The following TNR variants were observed in gnomAD, a reference collection of about 807,000 sequenced individuals.
TNR encodes tenascin-R.
In TNR, 45 loss-of-function variants were observed where a neutral mutation model predicts 150.4. That is an observed-to-expected ratio of 0.30 (90% CI 0.24 to 0.38). TNR has a LOEUF of 0.38. Ranked by LOEUF, TNR falls within the 10% of genes least tolerant of loss-of-function variation. The pLI is 1.00. For synonymous variants in TNR, 687 were observed against 678.4 expected (o/e 1.01, Z -0.20); for missense variants, 1,544 against 1,759.1 (o/e 0.88, Z 2.19).
intron 1 of TNR, among the ~76,000 whole-genome samples, chr1:175,649,580 C>T (rs752395057): frequency 3.8e-4 from 58 of 152,070 alleles, no homozygotes; most frequent in Non-Finnish European, 7.6e-4. Context: ...AGAATGGGCC[C>T]AATACAAGAG....
chr1:175,374,485 C>A (rs891332459), intron 9 of TNR, among the ~76,000 whole-genome samples: 10 of 152,000 alleles, frequency 6.6e-5, no homozygotes, highest in Non-Finnish European at 1.5e-4. Flanking sequence ...TGTGTATGTG[C>A]ATGTGAGTGT....
chr1:175,682,259 T>C (rs1054129751), intron 1 of TNR, among the ~76,000 whole-genome samples: 6 of 151,394 alleles, frequency 4.0e-5, no homozygotes, highest in African/African-American at 1.5e-4. Flanking sequence ...ATTATAATCA[T>C]AGCTATCACT....
intron 2 of TNR, among the ~76,000 whole-genome samples, chr1:175,471,595 A>G (rs918785887): frequency 1.3e-5 from 2 of 152,206 alleles, no homozygotes; most frequent in Non-Finnish European, 2.9e-5. Flanking sequence ...AAAATGGTAC[A>G]TCTATACAGG....
chr1:175,349,111 T>C (rs950644051), intron 18 of TNR, among the ~76,000 whole-genome samples: 2 of 152,204 alleles, frequency 1.3e-5, no homozygotes, highest in Non-Finnish European at 2.9e-5. Flanking sequence ...ATGATGCATG[T>C]CGTTAGGAAA....
intron 2 of TNR, among the ~76,000 whole-genome samples, chr1:175,495,268 G>A (rs1477404204): frequency 6.6e-6 from 1 of 152,202 alleles, no homozygotes; most frequent in Non-Finnish European, 1.5e-5. Flanking sequence ...AGATGAGGGA[G>A]TGACAACACC....
At chr1:175,380,331 C>A (rs1428387659) in intron 8 of TNR, among the ~76,000 whole-genome samples, 1 of 72,404 alleles carries the variant, frequency 1.4e-5, no homozygotes, top group East Asian at 4.2e-4. Context: ...AGTCTTTTAA[C>A]CCTGCTTGGC....
At chr1:175,434,317 C>G (rs1395454485) in intron 2 of TNR, among the ~76,000 whole-genome samples, 1 of 152,112 alleles carries the variant, frequency 6.6e-6, no homozygotes, top group African/African-American at 2.4e-5. Context: ...TTCCCTGGGC[C>G]TGATAATGGA....
At chr1:175,692,644 G>A (rs1301306085) in intron 1 of TNR, among the ~76,000 whole-genome samples, 1 of 152,174 alleles carries the variant, frequency 6.6e-6, no homozygotes, top group Non-Finnish European at 1.5e-5. Flanking sequence ...CAGTGGAGAG[G>A]TGGCCAGAGG....
intron 1 of TNR, among the ~76,000 whole-genome samples, chr1:175,584,411 G>A (rs1662484833): frequency 6.6e-6 from 1 of 152,194 alleles, no homozygotes; most frequent in Non-Finnish European, 1.5e-5. Context: ...ATCAGAAAGA[G>A]CATGGGCCTG....
At chr1:175,610,601 A>G (rs1174499138) in intron 1 of TNR, among the ~76,000 whole-genome samples, 2 of 152,032 alleles carry the variant, frequency 1.3e-5, no homozygotes, top group Admixed American at 6.5e-5. Flanking sequence ...CTTTCACCCC[A>G]TCTCCCCACA....
intron 1 of TNR, among the ~76,000 whole-genome samples, chr1:175,741,049 A>G (rs1401898855): frequency 2.6e-5 from 4 of 152,206 alleles, no homozygotes; most frequent in African/African-American, 9.6e-5. Context: ...TGAGAAGTAA[A>G]GGCCAGCAGC....
Position 175,554,664 on chromosome 1 carries a change from C to A in TNR, c.-164-26295G>T, listed in dbSNP as rs12082270. Among the ~76,000 whole-genome samples the A allele has an allele frequency of 4.7e-3, 713 of 152,016 alleles. 3 individuals are homozygous for A. The highest frequency in any genetic ancestry group is 0.016 in the African/African-American group (681 of 41,280). On this transcript the variant is annotated intron_variant, in intron 1 of 22. Coordinates refer to ENST00000367674, the MANE Select transcript of TNR (RefSeq NM_003285.3). Reference sequence around the variant, plus strand: ...TGGGCATGGCTCATGGGGATGCTGGCCCTGCTAAGGACAGGCTCCCAGCTC... The same window carrying A: ...TGGGCATGGCTCATGGGGATGCTGGACCTGCTAAGGACAGGCTCCCAGCTC...
intron 2 of TNR, among the ~76,000 whole-genome samples, chr1:175,417,194 A>G (rs1654535733): frequency 6.6e-6 from 1 of 152,190 alleles, no homozygotes; most frequent in Admixed American, 6.5e-5. Flanking sequence ...TTGAATTAAC[A>G]TTACTAATTT....
chr1:175,715,701 C>T (rs1245808166), intron 1 of TNR, among the ~76,000 whole-genome samples: 1 of 152,158 alleles, frequency 6.6e-6, no homozygotes, highest in Non-Finnish European at 1.5e-5. Flanking sequence ...GGGCTGATTA[C>T]ATTGTTTTCC....
chr1:175,730,619 C>T lies in TNR; in HGVS notation c.-165+12607G>A, dbSNP rs925750172. Among the ~76,000 whole-genome samples, 4 of 152,158 alleles carry T rather than the reference C, an allele frequency of 2.6e-5. No individual in the cohort carries two copies. The South Asian group carries it at 8.3e-4, about 32-fold the overall frequency. On this transcript the variant is annotated intron_variant, in intron 1 of 22. Transcript: ENST00000367674. The stretch of plus-strand genomic sequence containing the variant: ...TACTGAATGCCAACAGAATTCCAGG[C>T]TGGGAATGTAAGTGTGAATAAGACA...
chr1:175,498,079 C>A (rs1658565128), intron 2 of TNR, among the ~76,000 whole-genome samples: 1 of 152,024 alleles, frequency 6.6e-6, no homozygotes, highest in South Asian at 2.1e-4. Flanking sequence ...ACAGCAACAA[C>A]AACAACAACA....
chr1:175,403,371 C>T lies in TNR; in HGVS notation c.745G>A (p.Glu249Lys). 6.2e-7 allele frequency: 1 copy of T among 1,614,188 alleles called. No homozygotes were observed. Among genetic ancestry groups the T allele is most frequent in the African/African-American group, 1.3e-5 (1 of 75,044 alleles). Residue 249 changes from glutamate to lysine, a missense_variant, in exon 4 of 23, where the codon GAG (glutamate) becomes AAG (lysine). Glu to Lys is a moderately conservative substitution (Grantham distance 56, BLOSUM62 1). This residue lies in a region of TNR where 1,254 missense variants were observed against 1,329.4 expected (regional missense o/e 0.94). Coordinates refer to ENST00000367674, the MANE Select transcript of TNR (RefSeq NM_003285.3). ...CSSRGLCVDG[E>K]CVCEEPYTGE... ...GTGTAGGGCTCTTCACAGACACACT[C>T]CCCGTCCACGCAGAGCCCCCGGGAG...
intron 1 of TNR, among the ~76,000 whole-genome samples, chr1:175,700,081 C>T (rs953142507): frequency 6.6e-5 from 10 of 151,164 alleles, no homozygotes; most frequent in Non-Finnish European, 8.8e-5. Flanking sequence ...TGACCCCAAG[C>T]GAAGGAGAAA....
intron 9 of TNR, among the ~76,000 whole-genome samples, chr1:175,371,287 C>T (rs571159021): frequency 6.6e-6 from 1 of 152,216 alleles, no homozygotes; most frequent in Non-Finnish European, 1.5e-5. Flanking sequence ...GAAATCACTA[C>T]TCTCTGTTCC....
Sources: allele counts gnomAD v4.1 joint callset (sites outside exome capture counted in the v4.1 genomes callset), GRCh38; gene constraint gnomAD v4.1.1; regional missense constraint gnomAD v4.1.1; transcripts MANE v1.5; gene names NCBI Gene and HGNC (gene_info 2026-07-23, HGNC 2026-07-21).